Variants in ZNF740 observed in about 807,000 individuals in gnomAD.
ZNF740 encodes oriLyt TD-element-binding protein 7.
A neutral mutation model predicts 24.8 loss-of-function variants in ZNF740; 14 were observed. The ratio of observed to expected loss-of-function variants is 0.56; its 90% CI spans 0.37 to 0.88. The LOEUF (loss-of-function observed/expected upper bound fraction) is 0.88, where lower values mean the gene tolerates loss of function less well. Among genes scored for constraint, ZNF740 ranks in the 40% least tolerant of loss-of-function variants. The pLI, the probability that ZNF740 is intolerant of heterozygous loss-of-function variation, is 0.00. For synonymous variants in ZNF740, 69 were observed against 84.0 expected (o/e 0.82, Z 0.98); for missense variants, 201 against 247.9 (o/e 0.81, Z 1.27).
intron 2 of ZNF740, among the ~76,000 whole-genome samples, chr12:53,184,114 G>GGGGTGTGTGTGTGTGTGTGTGT (rs1555175868): frequency 8.1e-6 from 1 of 123,506 alleles, no homozygotes; most frequent in African/African-American, 3.5e-5. Context: ...GAAGCTAAGG[G>GGGGTGTGTGTGTGTGTGTGTGT]GTGTGTGTGT....
rs1407731766 is a variant in ZNF740 at position 53,187,539 on chromosome 12, G to A, written c.531G>A (p.Arg177=). Residue 177 remains arginine (R), a synonymous_variant, in exon 7 of 7, where the codon CGG becomes CGA. Transcript: ENST00000416904. ...CAGATCGATTACTCAGACACAAACG[G>A]ATGTGCCAAGGGTGCCAGTCCAAGA... ...SRTDRLLRHK[R]MCQGCQSKTS... 1 of 1,613,996 alleles carries A rather than the reference G, an allele frequency of 6.2e-7. No homozygotes were observed. Among genetic ancestry groups the A allele is most frequent in the South Asian group, 1.1e-5 (1 of 91,084 alleles).
At chr12:53,184,185 G>GTT (rs1941776018) in intron 2 of ZNF740, among the ~76,000 whole-genome samples, 2 of 147,382 alleles carry the variant, frequency 1.4e-5, no homozygotes, top group African/African-American at 5.2e-5. Context: ...GGGTGTGTGT[G>GTT]TGTGTGTGTG....
chr12:53,186,577 C>T (rs987076286), intron 6 of ZNF740, 68 bp downstream of exon 6: 2 of 1,294,664 alleles, frequency 1.5e-6, no homozygotes, highest in African/African-American at 2.9e-5. Context: ...GGCCACCCTC[C>T]ACTCCTGCCT....
At chr12:53,180,956 G>A (rs2121526960) in intron 1 of ZNF740, 119 bp downstream of exon 1, 2 of 361,924 alleles carry the variant, frequency 5.5e-6, no homozygotes, top group Non-Finnish European at 7.7e-6. Context: ...GGCGCGTGGC[G>A]AAGGGAGGGG....
At position 53,184,959 on chromosome 12, in the gene ZNF740, G is replaced by A. The variant is rs1941794259; in HGVS notation, c.78G>A (p.Met26Ile). ...TTCCCACTGCAGCCAGCAAGAAGAT[G>A]ATGCTGAGCCAGATTGCCAGCAAGC... ...SLVPTAASKKMMLSQIASKQA... is the reference protein window; with the variant it reads ...SLVPTAASKKIMLSQIASKQA... Residue 26 changes from methionine to isoleucine, a missense_variant, in exon 3 of 7, where the codon ATG (methionine) becomes ATA (isoleucine). Met to Ile is a conservative substitution (Grantham distance 10). Around this residue, in one of 3 missense-constraint regions of ZNF740, gnomAD observed 117 missense variants for 122.3 expected, o/e 0.96. Transcript: ENST00000416904. 6.2e-7 allele frequency: 1 copy of A among 1,613,946 alleles called. No individual in the cohort carries two copies.
chr12:53,193,040 A>G lies in ZNF740; in HGVS notation c.*5450A>G. Reference sequence around the variant, plus strand: ...CCACACCCTCTAACCCATACACCGGAATCTTTTGATATTTGCCTTCCATGC... The same window carrying G: ...CCACACCCTCTAACCCATACACCGGGATCTTTTGATATTTGCCTTCCATGC... On this transcript the variant is annotated 3_prime_UTR_variant, in exon 7 of 7. Transcript: ENST00000416904. The G allele has an allele frequency of 1.5e-6, 2 of 1,379,158 alleles. No homozygotes were observed. The highest frequency in any genetic ancestry group is 2.0e-6 in the Non-Finnish European group (2 of 993,278). 85.4% of individuals were successfully genotyped at this position (1,379,158 alleles called of 1,614,324 possible).
At chr12:53,184,114 G>GGTGTGT (rs754768891) in intron 2 of ZNF740, among the ~76,000 whole-genome samples, 4,576 of 123,342 alleles carry the variant, frequency 0.037, 132 homozygotes, top group East Asian at 0.091. Context: ...GAAGCTAAGG[G>GGTGTGT]GTGTGTGTGT....
At chr12:53,185,637 G>C (rs1298759624) in intron 4 of ZNF740, among the ~76,000 whole-genome samples, 161 bp downstream of exon 4, 1 of 152,200 alleles carries the variant, frequency 6.6e-6, no homozygotes, top group Non-Finnish European at 1.5e-5. Flanking sequence ...TACCTTGGTA[G>C]TTGATCTCCT....
rs946623829 is a variant in ZNF740, at chr12:53,195,078, A to G, written c.*7488A>G. On this transcript the variant is annotated 3_prime_UTR_variant, in exon 7 of 7. Transcript: ENST00000416904. Reference sequence around the variant, plus strand: ...GGCTTTTGGCAGGGTTAAATGAAGTAGCAAACAGTATGTACACCTAGGATG... The same window carrying G: ...GGCTTTTGGCAGGGTTAAATGAAGTGGCAAACAGTATGTACACCTAGGATG... 2.7e-6 allele frequency: 1 copy of G among 366,240 alleles called. No homozygotes were observed. Among genetic ancestry groups the G allele is most frequent in the African/African-American group, 2.0e-5 (1 of 49,400 alleles). 22.7% of individuals were successfully genotyped at this position (366,240 alleles called of 1,614,324 possible).
intron 1 of ZNF740, chr12:53,181,100 G>T: frequency 2.1e-6 from 2 of 932,050 alleles, no homozygotes; most frequent in Non-Finnish European, 1.3e-6. Flanking sequence ...GCGCTTCTCG[G>T]CACTCTCCGG....
At position 53,185,048 on chromosome 12, in the gene ZNF740, G is replaced by T; in HGVS notation, c.159+8G>T. The T allele has an allele frequency of 6.2e-7, 1 of 1,613,390 alleles. No individual in the cohort carries two copies. The highest frequency in any genetic ancestry group is 8.5e-7 in the Non-Finnish European group (1 of 1,179,558). The stretch of plus-strand genomic sequence containing the variant: ...CTGAGGTGCTCGAGTCAGGTACAGC[G>T]CTTGAGTCCATTGTGGCACCTGGGG... On this transcript the variant is annotated splice_region_variant and intron_variant, in intron 3 of 6. Coordinates refer to ENST00000416904, the MANE Select transcript of ZNF740 (RefSeq NM_001004304.4).
chr12:53,186,722 A>G (rs1941829020), intron 6 of ZNF740: 7 of 481,214 alleles, frequency 1.5e-5, no homozygotes, highest in Non-Finnish European at 2.3e-5. Context: ...AGCATTCCAT[A>G]TCACTTACTC....
intron 2 of ZNF740, among the ~76,000 whole-genome samples, chr12:53,182,549 T>C (rs1242429634): frequency 6.6e-6 from 1 of 151,972 alleles, no homozygotes; most frequent in Non-Finnish European, 1.5e-5. Context: ...GGTATGTACA[T>C]AGGAGAGAAC....
chr12:53,188,100 C>T lies in ZNF740; in HGVS notation c.*510C>T, dbSNP rs998277477. 6.2e-6 allele frequency: 1 copy of T among 161,716 alleles called. No individual in the cohort carries two copies. Among genetic ancestry groups the T allele is most frequent in the African/African-American group, 2.4e-5 (1 of 41,584 alleles). 10.0% of individuals were successfully genotyped at this position (161,716 alleles called of 1,614,324 possible). A position where few individuals can be genotyped will look rare whatever the true frequency, so the allele number is the denominator to read the frequency against. Reference sequence around the variant, plus strand: ...TCCCCAAAAATTGGGTTTTTAGTTGCAGTAGCTCCTCAGTGTTTCACAATC... The same window carrying T: ...TCCCCAAAAATTGGGTTTTTAGTTGTAGTAGCTCCTCAGTGTTTCACAATC... On this transcript the variant is annotated 3_prime_UTR_variant, in exon 7 of 7. Transcript: ENST00000416904.
At position 53,194,437 on chromosome 12, in the gene ZNF740, G is replaced by T; in HGVS notation, c.*6847G>T. ...TCTCCAGGTGTTCCCAATTCTGCCA[G>T]CACCCTGCCCTCTGCCACCTGGGGC... On this transcript the variant is annotated 3_prime_UTR_variant, in exon 7 of 7. Coordinates refer to ENST00000416904, the MANE Select transcript of ZNF740 (RefSeq NM_001004304.4). 2 of 1,332,288 alleles carry T rather than the reference G, an allele frequency of 1.5e-6. No individual in the cohort carries two copies. The highest frequency in any genetic ancestry group is 2.1e-6 in the Non-Finnish European group (2 of 956,476). 82.5% of individuals were successfully genotyped at this position (1,332,288 alleles called of 1,614,324 possible).
chr12:53,194,315 G>A lies in ZNF740; in HGVS notation c.*6725G>A, dbSNP rs1260355640. ...TGTGGACCCCAGGAGGGAGTGAAGA[G>A]TGTTCAAGGGTCACGGTGGAAGACA... On this transcript the variant is annotated 3_prime_UTR_variant, in exon 7 of 7. Coordinates refer to ENST00000416904, the MANE Select transcript of ZNF740 (RefSeq NM_001004304.4). The A allele has an allele frequency of 2.5e-6, 4 of 1,614,062 alleles. No homozygotes were observed. The highest frequency in any genetic ancestry group is 3.4e-6 in the Non-Finnish European group (4 of 1,179,984).
chr12:53,192,148 A>C lies in ZNF740; in HGVS notation c.*4558A>C. On this transcript the variant is annotated 3_prime_UTR_variant, in exon 7 of 7. Transcript: ENST00000416904. The stretch of plus-strand genomic sequence containing the variant: ...AGCAAAGGGAACCCAGGGAGGTCCA[A>C]GGTTATCCTCACCGCCCAGGGCCTT... The C allele has an allele frequency of 7.8e-7, 1 of 1,284,822 alleles. No homozygotes were observed. The highest frequency in any genetic ancestry group is 1.1e-6 in the Non-Finnish European group (1 of 935,000). The allele number at this position is 1,284,822 out of a possible 1,614,324, so 79.6% of individuals were successfully genotyped here.
In ZNF740 at chr12:53,191,424, AG is replaced by A; in HGVS notation, c.*3835del. On this transcript the variant is annotated 3_prime_UTR_variant, in exon 7 of 7. Transcript: ENST00000416904. ...CTCTTGGGTGTCACTCTGAAAATGA[AG>A]TAGGGTGGTGGCCGCACCTCGCCAG... is the stretch of plus-strand genomic sequence containing the variant. 2 of 741,520 alleles carry A rather than the reference AG, an allele frequency of 2.7e-6. No homozygotes were observed. Among genetic ancestry groups the A allele is most frequent in the Non-Finnish European group, 4.8e-6 (2 of 416,368 alleles). 45.9% of individuals were successfully genotyped at this position (741,520 alleles called of 1,614,324 possible).
chr12:53,186,219 T>G, intron 5 of ZNF740, 142 bp downstream of exon 5: 1 of 1,263,004 alleles, frequency 7.9e-7, no homozygotes, highest in South Asian at 1.5e-5. Context: ...GCAGAGAGAT[T>G]GCATGGCTTT....
Sources: gnomAD v4.1 joint callset for allele counts (sites outside exome capture counted in the v4.1 genomes callset) on GRCh38, gnomAD v4.1.1 for gene constraint, gnomAD v4.1.1 regional missense constraint, MANE v1.5 for transcripts, NCBI Gene and HGNC (gene_info 2026-07-23, HGNC 2026-07-21) for gene names.